The following NRCAM variants were observed in gnomAD, a reference collection of about 807,000 sequenced individuals.
NRCAM encodes neuronal cell adhesion molecule, also known as NgCAM-related cell adhesion molecule.
NRCAM carries 83 observed loss-of-function variants against 156.5 expected under a neutral mutation model. That is an observed-to-expected ratio of 0.53 (90% CI 0.44 to 0.64). NRCAM has a LOEUF of 0.64. Among genes scored for constraint, NRCAM ranks in the 30% least tolerant of loss-of-function variants. The probability of loss-of-function intolerance (pLI) is 0.00; values close to 1 mark genes in which losing one functional copy is unlikely to be tolerated. For missense variants in NRCAM, 1,417 were observed against 1,597.3 expected, an observed-to-expected ratio of 0.89 and a Z score of 1.92; for synonymous variants, 538 against 563.9, an observed-to-expected ratio of 0.95 and a Z score of 0.65.
At chr7:108,445,568 TTCA>T (rs953670178) in intron 1 of NRCAM, among the ~76,000 whole-genome samples, 1 of 152,184 alleles carries the variant, frequency 6.6e-6, no homozygotes, top group African/African-American at 2.4e-5. Context: ...GCACTTTCAT[TTCA>T]TCATCATTTG....
chr7:108,188,399 G>GTGTGTGTGTA (rs923114660), intron 20 of NRCAM, among the ~76,000 whole-genome samples: 1 of 101,244 alleles, frequency 9.9e-6, no homozygotes, highest in African/African-American at 3.0e-5. Context: ...GTGTGTGTGT[G>GTGTGTGTGTA]TATATATACA....
chr7:108,208,608 G>C (rs2082395109), intron 12 of NRCAM, among the ~76,000 whole-genome samples: 1 of 152,138 alleles, frequency 6.6e-6, no homozygotes, highest in Non-Finnish European at 1.5e-5. Flanking sequence ...AACGTCTTTT[G>C]CATTTACTTG....
At chr7:108,385,791 G>A (rs2193251) in intron 2 of NRCAM, among the ~76,000 whole-genome samples, 9,668 of 152,056 alleles carry the variant, frequency 0.064, 1,013 homozygotes, top group African/African-American at 0.22. Flanking sequence ...ATGTATTGGA[G>A]AGAATATGGA....
chr7:108,436,644 T>C (rs992872267), intron 1 of NRCAM, among the ~76,000 whole-genome samples: 1 of 152,200 alleles, frequency 6.6e-6, no homozygotes, highest in African/African-American at 2.4e-5. Context: ...GTAAAGATAG[T>C]ATATTCAGCT....
chr7:108,367,365 GA>G (rs2099598208), intron 2 of NRCAM, among the ~76,000 whole-genome samples: 1 of 152,128 alleles, frequency 6.6e-6, no homozygotes, highest in African/African-American at 2.4e-5. Flanking sequence ...AAAGCTTGAA[GA>G]ATGCATTTGA....
intron 3 of NRCAM, among the ~76,000 whole-genome samples, chr7:108,282,939 T>C (rs946290100): frequency 3.3e-5 from 5 of 152,178 alleles, no homozygotes; most frequent in African/African-American, 1.2e-4. Context: ...AAATCAGAAG[T>C]TCTGGGGGTG....
intron 1 of NRCAM, among the ~76,000 whole-genome samples, chr7:108,403,851 C>CGGTA: frequency 6.6e-6 from 1 of 152,178 alleles, no homozygotes; most frequent in African/African-American, 2.4e-5. Flanking sequence ...TTTAGGTCAT[C>CGGTA]GGTATCCCCT....
intron 3 of NRCAM, among the ~76,000 whole-genome samples, chr7:108,256,881 C>T (rs1445677516): frequency 2.6e-5 from 4 of 151,660 alleles, no homozygotes; most frequent in Admixed American, 6.6e-5. Context: ...TGGTAGTGCA[C>T]GCCTATAATC....
chr7:108,348,242 G>A (rs2099384179), intron 2 of NRCAM, among the ~76,000 whole-genome samples: 1 of 152,188 alleles, frequency 6.6e-6, no homozygotes. Flanking sequence ...GTGTGTGTGA[G>A]TGAGTGAATA....
chr7:108,454,202 A>T (rs1239866800), intron 1 of NRCAM, among the ~76,000 whole-genome samples: 1 of 152,224 alleles, frequency 6.6e-6, no homozygotes, highest in Non-Finnish European at 1.5e-5. Context: ...TCCACAATAC[A>T]GTTCTCTGAA....
intron 2 of NRCAM, among the ~76,000 whole-genome samples, chr7:108,397,109 G>GA (rs2099778899): frequency 6.6e-6 from 1 of 151,832 alleles, no homozygotes; most frequent in Non-Finnish European, 1.5e-5. Flanking sequence ...TAGAATAAGA[G>GA]AAAAAAAAGA....
At chr7:108,339,178 C>G (rs1201912379) in intron 2 of NRCAM, among the ~76,000 whole-genome samples, 1 of 152,158 alleles carries the variant, frequency 6.6e-6, no homozygotes, top group Non-Finnish European at 1.5e-5. Context: ...AATTACCATA[C>G]AAAGGTCTGA....
Position 108,293,900 on chromosome 7 carries a change from C to T in NRCAM, c.-107+18765G>A, listed in dbSNP as rs932202477. 2.6e-5 allele frequency among the ~76,000 whole-genome samples: 4 copies of T among 152,298 alleles called. No individual in the cohort carries two copies. The South Asian group carries it at 8.3e-4, about 32-fold the overall frequency. On this transcript the variant is annotated intron_variant, in intron 3 of 32. Transcript: ENST00000379028. ...ACTCAGGGCTCTTTCCACTATCACACATGTGCTGATTAATTCACCTATTGT... is the reference window on the plus strand; with the variant it reads ...ACTCAGGGCTCTTTCCACTATCACATATGTGCTGATTAATTCACCTATTGT...
intron 3 of NRCAM, among the ~76,000 whole-genome samples, chr7:108,255,895 GC>G (rs1273993027): frequency 6.9e-6 from 1 of 145,110 alleles, no homozygotes; most frequent in Non-Finnish European, 1.5e-5. Context: ...CCGCCCGGCA[GC>G]CGCCCCGTCC....
At chr7:108,337,662 C>A (rs2099214473) in intron 2 of NRCAM, among the ~76,000 whole-genome samples, 1 of 152,134 alleles carries the variant, frequency 6.6e-6, no homozygotes. Context: ...ATCGCAAGGC[C>A]CAAGATTCCA....
At chr7:108,347,011 T>C (rs2099360197) in intron 2 of NRCAM, among the ~76,000 whole-genome samples, 1 of 151,454 alleles carries the variant, frequency 6.6e-6, no homozygotes, top group South Asian at 2.1e-4. Flanking sequence ...AAATTACATA[T>C]GTGACTCATA....
chr7:108,411,877 T>G (rs1795827883), intron 1 of NRCAM, among the ~76,000 whole-genome samples: 1 of 152,208 alleles, frequency 6.6e-6, no homozygotes. Flanking sequence ...TACCTTAGTT[T>G]CGTAACCATT....
chr7:108,267,963 C>A (rs1477716831), intron 3 of NRCAM, among the ~76,000 whole-genome samples: 1 of 151,992 alleles, frequency 6.6e-6, no homozygotes, highest in Non-Finnish European at 1.5e-5. Flanking sequence ...CCTGCTATCT[C>A]ACACAGCTAC....
rs762906676 is a variant in NRCAM at position 108,191,260 on chromosome 7, C to A, written c.1927G>T (p.Val643Phe). The stretch of plus-strand genomic sequence containing the variant: ...AAGACTCATATTAGTTTACCGTAAA[C>A]GGGAGCTGGAGTTGGAGTAGGAGCT... The part of the protein sequence containing the change: ...VVAPTPTPAP[V>F]YDVPNPPFDL... The change falls in exon 19 of 33, where the codon GTT becomes TTT. Residue 643 changes from valine (V) to phenylalanine (F), a missense_variant. Physicochemically the swap from Val to Phe is conservative, Grantham distance 50. Around this residue, in one of 2 missense-constraint regions of NRCAM, gnomAD observed 1,238 missense variants for 1,336.4 expected, o/e 0.93. Coordinates refer to ENST00000379028, the MANE Select transcript of NRCAM (RefSeq NM_001037132.4). The A allele has an allele frequency of 6.2e-7, 1 of 1,605,118 alleles. No homozygotes were observed.
Sources: gnomAD v4.1 joint callset for allele counts (sites outside exome capture counted in the v4.1 genomes callset) on GRCh38, gnomAD v4.1.1 for gene constraint, gnomAD v4.1.1 regional missense constraint, MANE v1.5 for transcripts, NCBI Gene and HGNC (gene_info 2026-07-23, HGNC 2026-07-21) for gene names.